DLG2: variants seen among roughly 807,000 people sequenced by gnomAD.
The protein encoded by DLG2 is disks large homolog 2.
In DLG2, 45 loss-of-function variants were observed where a neutral mutation model predicts 132.5. The observed-to-expected ratio is 0.34, with a 90% CI of 0.27 to 0.44. The LOEUF is 0.44. Among genes scored for constraint, DLG2 ranks in the 20% least tolerant of loss-of-function variants. The pLI is 1.00. For synonymous variants in DLG2, 424 were observed against 419.6 expected (o/e 1.01, Z -0.13); for missense variants, 1,045 against 1,196.9 (o/e 0.87, Z 1.87).
intron 3 of DLG2, among the ~76,000 whole-genome samples, chr11:85,425,078 TA>T (rs1366335490): frequency 6.6e-6 from 1 of 151,894 alleles, no homozygotes; most frequent in Non-Finnish European, 1.5e-5. Flanking sequence ...CCTTACCCCA[TA>T]AACCAGAAGA....
At chr11:83,988,780 A>G (rs180932789) in intron 11 of DLG2, among the ~76,000 whole-genome samples, 159 of 152,218 alleles carry the variant, frequency 1.0e-3, no homozygotes, top group African/African-American at 3.7e-3. Flanking sequence ...TAGGAGCTGG[A>G]ACCTAAGCTC....
chr11:85,349,030 C>T (rs897239672), intron 3 of DLG2, among the ~76,000 whole-genome samples: 11 of 152,252 alleles, frequency 7.2e-5, no homozygotes, highest in South Asian at 6.2e-4. Context: ...CAAGGGCATT[C>T]CAAGTTAACC....
At position 85,012,789 on chromosome 11, in the gene DLG2, C is replaced by T. The variant is rs529384143; in HGVS notation, c.357+98872G>A. ...GAGTATTTTTTCCCGACCATTTTTG[C>T]TAAAGTGATTTTAAGAAAATGAATG... On this transcript the variant is annotated intron_variant, in intron 6 of 27. Coordinates refer to ENST00000376104, the MANE Select transcript of DLG2 (RefSeq NM_001142699.3). 2.0e-5 allele frequency among the ~76,000 whole-genome samples: 3 copies of T among 152,060 alleles called. No individual in the cohort carries two copies. In the East Asian group the frequency reaches 5.8e-4, roughly 29 times the overall value.
At chr11:85,342,837 T>C (rs116430546) in intron 3 of DLG2, among the ~76,000 whole-genome samples, 327 of 152,358 alleles carry the variant, frequency 2.1e-3, no homozygotes, top group African/African-American at 7.6e-3. Flanking sequence ...ATAAGTGCTC[T>C]GGCATTTACC....
At chr11:84,317,977 G>A (rs1175850997) in intron 7 of DLG2, among the ~76,000 whole-genome samples, 3 of 152,120 alleles carry the variant, frequency 2.0e-5, no homozygotes, top group Non-Finnish European at 4.4e-5. Flanking sequence ...TAAAACTGAT[G>A]GGTTGGGCTT....
At chr11:83,575,191 A>G (rs548180877) in intron 19 of DLG2, among the ~76,000 whole-genome samples, 5 of 152,322 alleles carry the variant, frequency 3.3e-5, no homozygotes, top group Admixed American at 6.5e-5. Flanking sequence ...CAAACAACCA[A>G]AAGTAAATAA....
chr11:84,585,611 A>T (rs1205997493), intron 6 of DLG2, among the ~76,000 whole-genome samples: 1 of 152,238 alleles, frequency 6.6e-6, no homozygotes, highest in East Asian at 1.9e-4. Flanking sequence ...TATCTTTATT[A>T]TACTGAATAT....
intron 6 of DLG2, among the ~76,000 whole-genome samples, chr11:85,049,345 G>T (rs1346272394): frequency 1.3e-5 from 2 of 151,970 alleles, no homozygotes; most frequent in African/African-American, 4.8e-5. Flanking sequence ...ATTTCCGTGA[G>T]GGTAAAGATC....
chr11:84,637,658 C>T (rs1239620925), intron 6 of DLG2, among the ~76,000 whole-genome samples: 1 of 152,200 alleles, frequency 6.6e-6, no homozygotes, highest in African/African-American at 2.4e-5. Flanking sequence ...CAGAGCAAAG[C>T]AATGCCAAAG....
At chr11:84,934,477 C>T (rs924256143) in intron 6 of DLG2, among the ~76,000 whole-genome samples, 3 of 119,266 alleles carry the variant, frequency 2.5e-5, no homozygotes, top group African/African-American at 9.9e-5. Context: ...CCTCTTTGTA[C>T]ATCTGTGAAT....
intron 6 of DLG2, among the ~76,000 whole-genome samples, chr11:84,702,787 G>C (rs570979408): frequency 5.3e-5 from 8 of 151,398 alleles, no homozygotes; most frequent in Non-Finnish European, 1.0e-4. Context: ...TAAGTCTTCT[G>C]TCTCTTCCAC....
At chr11:85,571,004 C>T (rs1250385411) in intron 3 of DLG2, among the ~76,000 whole-genome samples, 2 of 151,998 alleles carry the variant, frequency 1.3e-5, no homozygotes, top group South Asian at 2.1e-4. Flanking sequence ...ATATTGCTCT[C>T]ATGGTTTTCT....
intron 6 of DLG2, among the ~76,000 whole-genome samples, chr11:84,774,392 C>T (rs1174022602): frequency 6.6e-6 from 1 of 152,090 alleles, no homozygotes; most frequent in Non-Finnish European, 1.5e-5. Context: ...AGATTCAATG[C>T]TATTTCTATC....
intron 4 of DLG2, among the ~76,000 whole-genome samples, chr11:85,220,842 C>T (rs2074588077): frequency 6.6e-6 from 1 of 151,044 alleles, no homozygotes; most frequent in Non-Finnish European, 1.5e-5. Flanking sequence ...TCTATTTTAC[C>T]ATATCACTCT....
At chr11:84,449,440 C>G (rs1216195146) in intron 7 of DLG2, among the ~76,000 whole-genome samples, 1 of 151,470 alleles carries the variant, frequency 6.6e-6, no homozygotes, top group African/African-American at 2.4e-5. Context: ...AAAAAATATA[C>G]AAAGTTTTAA....
At chr11:84,016,128 G>A (rs1176309995) in intron 11 of DLG2, among the ~76,000 whole-genome samples, 1 of 152,070 alleles carries the variant, frequency 6.6e-6, no homozygotes, top group African/African-American at 2.4e-5. Context: ...TTTCTCTAAT[G>A]ATCAGGGATG....
intron 22 of DLG2, among the ~76,000 whole-genome samples, chr11:83,477,071 A>G (rs1267624620): frequency 2.0e-5 from 3 of 152,050 alleles, no homozygotes; most frequent in Non-Finnish European, 4.4e-5. Flanking sequence ...TGAAAATCCT[A>G]CTTAACTGGT....
At chr11:84,786,243 C>T in intron 6 of DLG2, among the ~76,000 whole-genome samples, 1 of 152,050 alleles carries the variant, frequency 6.6e-6, no homozygotes. Flanking sequence ...CTACCCTAAG[C>T]CCTCAATTTT....
chr11:84,202,764 TACACACAC>T (rs376554531), intron 8 of DLG2, among the ~76,000 whole-genome samples: 1 of 149,660 alleles, frequency 6.7e-6, no homozygotes, highest in Non-Finnish European at 1.5e-5. Context: ...ACTCAAACAT[TACACACAC>T]ACACACACAC....
Sources: gnomAD v4.1 joint callset for allele counts (sites outside exome capture counted in the v4.1 genomes callset) on GRCh38, gnomAD v4.1.1 for gene constraint, MANE v1.5 for transcripts, NCBI Gene and HGNC (gene_info 2026-07-23, HGNC 2026-07-21) for gene names.